RGS6: variants seen among roughly 807,000 people sequenced by gnomAD.
RGS6 encodes the protein regulator of G-protein signaling 6.
Under a neutral mutation model 78.5 loss-of-function variants are expected in RGS6, and 30 were observed. The ratio of observed to expected loss-of-function variants is 0.38; its 90% confidence interval spans 0.29 to 0.52. The LOEUF (loss-of-function observed/expected upper bound fraction) is 0.52. Among genes scored for constraint, RGS6 ranks in the 20% least tolerant of loss-of-function variants. The probability of loss-of-function intolerance (pLI) is 0.85; values close to 1 mark genes in which losing one functional copy is unlikely to be tolerated. For synonymous variants in RGS6, 206 were observed against 206.0 expected, an observed-to-expected ratio of 1.00 and a Z score of 0.00; for missense variants, 495 against 609.7, an observed-to-expected ratio of 0.81 and a Z score of 1.98.
intron 2 of RGS6, among the ~76,000 whole-genome samples, chr14:71,970,392 C>G (rs2093730702): frequency 6.6e-6 from 1 of 152,204 alleles, no homozygotes; most frequent in East Asian, 1.9e-4. Context: ...CCCAAGGTCA[C>G]TCTTCCTAAT....
rs1340476084 is a variant in RGS6, at chr14:72,423,070, G to A, written c.185-31458G>A. Among the ~76,000 whole-genome samples the A allele has an allele frequency of 3.3e-5, 5 of 152,220 alleles. No individual in the cohort carries two copies. In the East Asian group the frequency reaches 5.8e-4, roughly 18 times the overall value. On this transcript the variant is annotated intron_variant, in intron 3 of 17. Coordinates refer to ENST00000553525, the MANE Select transcript of RGS6 (RefSeq NM_001204424.2). ...AGAAGGGCCTGACAGGTGGCCACAC[G>A]GCAGGTGAGTCAGAGAGTTGAGTCA...
chr14:72,102,819 G>C (rs1472727204), intron 2 of RGS6, among the ~76,000 whole-genome samples: 1 of 152,068 alleles, frequency 6.6e-6, no homozygotes, highest in African/African-American at 2.4e-5. Context: ...GCAATCTAAC[G>C]TCAGACCCCT....
At chr14:72,541,134 C>G in intron 17 of RGS6, 2 of 1,369,538 alleles carry the variant, frequency 1.5e-6, no homozygotes, top group Non-Finnish European at 1.9e-6. Context: ...AGGGAGCTGG[C>G]CACATTCCCT....
At chr14:72,293,417 GT>G (rs2064020310) in intron 2 of RGS6, among the ~76,000 whole-genome samples, 1 of 152,144 alleles carries the variant, frequency 6.6e-6, no homozygotes, top group Non-Finnish European at 1.5e-5. Context: ...ATGGGGTGAG[GT>G]TTTGAAAAGT....
the RGS6 span, among the ~76,000 whole-genome samples, chr14:72,614,569 A>C: frequency 6.6e-6 from 1 of 151,966 alleles, no homozygotes; most frequent in African/African-American, 2.4e-5. Flanking sequence ...CCAAGGCTGC[A>C]GGCATGATCC....
intron 2 of RGS6, among the ~76,000 whole-genome samples, chr14:72,245,779 T>G (rs183920257): frequency 3.1e-4 from 47 of 151,762 alleles, no homozygotes; most frequent in Admixed American, 1.4e-3. Context: ...AAACTGGGAG[T>G]TTTTATGCTA....
intron 14 of RGS6, chr14:72,513,740 C>G: frequency 6.6e-6 from 1 of 152,274 alleles, no homozygotes; most frequent in Non-Finnish European, 1.5e-5. Context: ...TCTTTGTCCT[C>G]CCTGGCTTGA....
chr14:72,052,129 AAATGTATTTG>A (rs2093286100), intron 2 of RGS6, among the ~76,000 whole-genome samples: 1 of 152,188 alleles, frequency 6.6e-6, no homozygotes, highest in South Asian at 2.1e-4. Context: ...GAGACTTGAA[AAATGTATTTG>A]GAGTTACATC....
In RGS6 at chr14:72,291,923, G is replaced by A. The variant is rs2063648145; in HGVS notation, c.85-60172G>A. Among the ~76,000 whole-genome samples, 6 of 152,176 alleles carry A rather than the reference G, an allele frequency of 3.9e-5. No individual in the cohort carries two copies. In the South Asian group the frequency reaches 1.2e-3, roughly 32 times the overall value. On this transcript the variant is annotated intron_variant, in intron 2 of 17. Coordinates refer to ENST00000553525, the MANE Select transcript of RGS6 (RefSeq NM_001204424.2). Reference sequence around the variant, plus strand: ...CCTTTTCAAAATAAGGCCTCAAAGTGCATCCCATTATTAACCCTGAAATAG... The same window carrying A: ...CCTTTTCAAAATAAGGCCTCAAAGTACATCCCATTATTAACCCTGAAATAG...
rs142409516 is a variant in RGS6 at position 72,425,795 on chromosome 14, C to A, written c.185-28733C>A. Among the ~76,000 whole-genome samples the A allele has an allele frequency of 4.1e-3, 626 of 152,188 alleles. 3 individuals are homozygous for A. The highest frequency in any genetic ancestry group is 0.014 in the African/African-American group (592 of 41,534). ...AGAAATTTTCCTTCTAGAGATTTAT[C>A]TTAAGGAAATTATAGGAGGCATAAA... is the stretch of plus-strand genomic sequence containing the variant. On this transcript the variant is annotated intron_variant, in intron 3 of 17. Coordinates refer to ENST00000553525, the MANE Select transcript of RGS6 (RefSeq NM_001204424.2).
the RGS6 span, among the ~76,000 whole-genome samples, chr14:71,908,749 C>A: frequency 6.6e-6 from 1 of 152,024 alleles, no homozygotes; most frequent in Admixed American, 6.6e-5. Context: ...GAGGGAATGC[C>A]CTTCTAGGGA....
chr14:72,115,671 A>G (rs1461220919), intron 2 of RGS6, among the ~76,000 whole-genome samples: 2 of 152,162 alleles, frequency 1.3e-5, no homozygotes, highest in African/African-American at 2.4e-5. Flanking sequence ...TCAACTTTCA[A>G]AGGCACCAAT....
At chr14:72,088,010 G>C (rs1205347078) in intron 2 of RGS6, among the ~76,000 whole-genome samples, 1 of 152,162 alleles carries the variant, frequency 6.6e-6, no homozygotes, top group Non-Finnish European at 1.5e-5. Context: ...ATGAGAATGG[G>C]AGAGCCATCA....
At chr14:72,501,031 G>T (rs1226071545) in intron 13 of RGS6, among the ~76,000 whole-genome samples, 1 of 152,134 alleles carries the variant, frequency 6.6e-6, no homozygotes, top group Non-Finnish European at 1.5e-5. Context: ...GTGGGTGTGG[G>T]TGAAGGTTTG....
At chr14:72,048,404 G>T (rs2093016436) in intron 2 of RGS6, among the ~76,000 whole-genome samples, 1 of 152,104 alleles carries the variant, frequency 6.6e-6, no homozygotes, top group Non-Finnish European at 1.5e-5. Flanking sequence ...TTCTAGTACT[G>T]ATTCTCCTTT....
At chr14:72,543,615 T>G (rs1438080883) in intron 17 of RGS6, among the ~76,000 whole-genome samples, 2 of 152,232 alleles carry the variant, frequency 1.3e-5, no homozygotes, top group African/African-American at 2.4e-5. Flanking sequence ...AGGAGGTGCC[T>G]TCTCTCACTG....
intron 3 of RGS6, among the ~76,000 whole-genome samples, chr14:72,380,345 C>T (rs1034889531): frequency 2.0e-5 from 3 of 151,876 alleles, no homozygotes; most frequent in Non-Finnish European, 2.9e-5. Flanking sequence ...TAAAAAGCTT[C>T]TGTACAGTAA....
At chr14:72,138,461 T>TG (rs1461947088) in intron 2 of RGS6, among the ~76,000 whole-genome samples, 3 of 150,108 alleles carry the variant, frequency 2.0e-5, no homozygotes, top group Admixed American at 2.0e-4. Context: ...TTTTTTTTTT[T>TG]TTTTTTTTTT....
intron 2 of RGS6, among the ~76,000 whole-genome samples, chr14:72,020,768 A>G (rs1335776419): frequency 6.6e-6 from 1 of 152,200 alleles, no homozygotes; most frequent in Non-Finnish European, 1.5e-5. Flanking sequence ...AAAGATGTGA[A>G]ATAAACCACA....
Sources: gnomAD v4.1 joint callset for allele counts (sites outside exome capture counted in the v4.1 genomes callset) on GRCh38, gnomAD v4.1.1 for gene constraint, MANE v1.5 for transcripts, NCBI Gene and HGNC (gene_info 2026-07-23, HGNC 2026-07-21) for gene names.